The following SNX29 variants were observed in gnomAD, a reference collection of about 807,000 sequenced individuals.
SNX29 encodes the protein sorting nexin 29, also known as sorting nexin-29.
Under a neutral mutation model 102.1 loss-of-function variants are expected in SNX29, and 78 were observed. That is an observed-to-expected ratio of 0.76 (90% CI 0.64 to 0.92). SNX29 has a LOEUF of 0.92. Among genes scored for constraint, SNX29 ranks in the 40% least tolerant of loss-of-function variants. SNX29 has a pLI of 0.00. For synonymous variants in SNX29, 580 were observed against 414.5 expected (o/e 1.40, Z -4.85); for missense variants, 1,280 against 1,061.7 (o/e 1.21, Z -2.86).
chr16:12,572,793 C>T lies in SNX29; in HGVS notation c.*4164C>T. The T allele has an allele frequency of 9.4e-7, 1 of 1,063,654 alleles. No individual in the cohort carries two copies. The highest frequency in any genetic ancestry group is 1.1e-6 in the Non-Finnish European group (1 of 878,204). The allele number at this position is 1,063,654 out of a possible 1,614,324, so 65.9% of individuals were successfully genotyped here. On this transcript the variant is annotated 3_prime_UTR_variant, in exon 21 of 21. Coordinates refer to ENST00000566228, the MANE Select transcript of SNX29 (RefSeq NM_032167.5). Reference sequence around the variant, plus strand: ...GAAGACCCCACCTCACTCCTCCTTCCCCAGTACATCAGACTGGTTAGGAGG... The same window carrying T: ...GAAGACCCCACCTCACTCCTCCTTCTCCAGTACATCAGACTGGTTAGGAGG...
chr16:12,457,399 G>T (rs2086585821), intron 18 of SNX29, among the ~76,000 whole-genome samples: 1 of 152,102 alleles, frequency 6.6e-6, no homozygotes, highest in African/African-American at 2.4e-5. Flanking sequence ...CTCTGGAGTG[G>T]GGCCTCCCCA....
rs185161630 is a variant in SNX29, at chr16:12,272,687, A to C, written c.1679-5246A>C. ...ACTTTGCAGGTACATAGATAAAGTCATTGGTTCTCTTAGCTTTATTACAAA... is the reference window on the plus strand; with the variant it reads ...ACTTTGCAGGTACATAGATAAAGTCCTTGGTTCTCTTAGCTTTATTACAAA... On this transcript the variant is annotated intron_variant, in intron 14 of 20. Coordinates refer to ENST00000566228, the MANE Select transcript of SNX29 (RefSeq NM_032167.5). Among the ~76,000 whole-genome samples, 345 of 152,216 alleles carry C rather than the reference A, an allele frequency of 2.3e-3. 2 individuals carry two copies. The highest frequency in any genetic ancestry group is 4.2e-3 in the Non-Finnish European group (286 of 67,994).
intron 14 of SNX29, among the ~76,000 whole-genome samples, chr16:12,272,808 C>T (rs1324232582): frequency 1.3e-5 from 2 of 152,136 alleles, no homozygotes; most frequent in Admixed American, 6.5e-5. Context: ...TTGTTGCCTC[C>T]ATATCTCTGA....
intron 15 of SNX29, among the ~76,000 whole-genome samples, chr16:12,339,011 T>A (rs2081534770): frequency 6.6e-6 from 1 of 152,086 alleles, no homozygotes; most frequent in Non-Finnish European, 1.5e-5. Context: ...TGGGCTGTCC[T>A]AGGACTACAC....
intron 19 of SNX29, among the ~76,000 whole-genome samples, chr16:12,483,757 A>G (rs1220434160): frequency 6.6e-6 from 1 of 152,140 alleles, no homozygotes; most frequent in Non-Finnish European, 1.5e-5. Flanking sequence ...TCTGCTCATC[A>G]CAGTGCTGGG....
At chr16:12,271,597 C>G (rs964392639) in intron 14 of SNX29, among the ~76,000 whole-genome samples, 2 of 151,306 alleles carry the variant, frequency 1.3e-5, no homozygotes, top group African/African-American at 4.9e-5. Flanking sequence ...TTGGAACCAT[C>G]TTTGTTGAAT....
chr16:12,493,495 ACTT>A (rs1567620018), intron 19 of SNX29, among the ~76,000 whole-genome samples: 1 of 152,116 alleles, frequency 6.6e-6, no homozygotes, highest in Admixed American at 6.5e-5. Context: ...GGACAATTTG[ACTT>A]CTTCTTTTCC....
At chr16:12,100,344 C>T (rs1490768378) in intron 11 of SNX29, among the ~76,000 whole-genome samples, 1 of 152,158 alleles carries the variant, frequency 6.6e-6, no homozygotes, top group Non-Finnish European at 1.5e-5. Context: ...AGCACCACCA[C>T]CAGTTGTGAC....
intron 8 of SNX29, among the ~76,000 whole-genome samples, chr16:12,055,249 T>TTC (rs1403527833): frequency 3.7e-4 from 56 of 151,680 alleles, no homozygotes; most frequent in African/African-American, 1.3e-3. Flanking sequence ...TTTTTTTTTT[T>TTC]CTGAGATGGA....
intron 18 of SNX29, among the ~76,000 whole-genome samples, chr16:12,429,926 T>C (rs1005413375): frequency 6.6e-6 from 1 of 152,238 alleles, no homozygotes; most frequent in African/African-American, 2.4e-5. Context: ...GGCAGCTTAC[T>C]GAACTGCTGT....
chr16:11,979,275 CAAAAAA>C (rs71139569), intron 1 of SNX29, among the ~76,000 whole-genome samples: 5 of 62,004 alleles, frequency 8.1e-5, no homozygotes, highest in East Asian at 4.2e-4. Flanking sequence ...ACTCAGTCTC[CAAAAAA>C]AAAAAAAAAA....
chr16:12,208,406 TAA>T (rs33917298), intron 14 of SNX29, among the ~76,000 whole-genome samples: 32,555 of 152,186 alleles, frequency 0.21, 3,612 homozygotes, highest in African/African-American at 0.27. Flanking sequence ...TTGGGGTTTG[TAA>T]GCTCTCAGAA....
chr16:12,471,152 T>C (rs2087320809), intron 18 of SNX29, among the ~76,000 whole-genome samples: 1 of 152,164 alleles, frequency 6.6e-6, no homozygotes, highest in African/African-American at 2.4e-5. Context: ...TAAACCAGAT[T>C]GAGGGCTTCA....
rs549720221 is a variant in SNX29, at chr16:12,540,350, T to C, written c.2318+15509T>C. 5.3e-5 allele frequency among the ~76,000 whole-genome samples: 8 copies of C among 152,258 alleles called. No individual in the cohort carries two copies. The South Asian group carries it at 1.7e-3, about 32-fold the overall frequency. ...CTCTTATGATTAAAGAGGAACGTTA[T>C]CCCCTGTATTAATTTCTTATTGTTG... On this transcript the variant is annotated intron_variant, in intron 20 of 20. Transcript: ENST00000566228.
At chr16:12,011,051 CA>C (rs2056633003) in intron 3 of SNX29, among the ~76,000 whole-genome samples, 1 of 151,974 alleles carries the variant, frequency 6.6e-6, no homozygotes, top group Non-Finnish European at 1.5e-5. Flanking sequence ...TCATCCTGAC[CA>C]AAAATCCTGG....
intron 13 of SNX29, among the ~76,000 whole-genome samples, chr16:12,187,811 G>A (rs1391898028): frequency 2.6e-5 from 4 of 152,076 alleles, no homozygotes; most frequent in African/African-American, 7.2e-5. Context: ...ATTCCACACT[G>A]GCTTCCATGG....
intron 15 of SNX29, 78 bp from the exon 16 acceptor site, chr16:12,356,085 G>C (rs931882324): frequency 3.7e-5 from 50 of 1,349,128 alleles, no homozygotes; most frequent in Non-Finnish European, 5.0e-5. Flanking sequence ...GTGTCAGGAA[G>C]GAGAGTCCAG....
chr16:12,561,308 T>C (rs533465484), intron 20 of SNX29, among the ~76,000 whole-genome samples: 70 of 152,188 alleles, frequency 4.6e-4, no homozygotes, highest in African/African-American at 1.5e-3. Flanking sequence ...GATCTTCACA[T>C]CCTGGAGGCA....
intron 15 of SNX29, among the ~76,000 whole-genome samples, chr16:12,290,630 A>G (rs2079762486): frequency 2.0e-5 from 3 of 152,212 alleles, no homozygotes; most frequent in Non-Finnish European, 2.9e-5. Context: ...GCTGTCTGTG[A>G]CAAAGACTGT....
Sources: allele counts gnomAD v4.1 joint callset (sites outside exome capture counted in the v4.1 genomes callset), GRCh38; gene constraint gnomAD v4.1.1; transcripts MANE v1.5; gene names NCBI Gene and HGNC (gene_info 2026-07-23, HGNC 2026-07-21).